Variants in SPAG16 observed in about 807,000 individuals in gnomAD.
SPAG16 encodes the protein sperm-associated antigen 16 protein.
SPAG16 carries 86 observed loss-of-function variants against 80.4 expected under a neutral mutation model. The observed-to-expected ratio is 1.07, with a 90% CI of 0.90 to 1.28. The LOEUF is 1.28. SPAG16 is among the 50% of genes most tolerant of loss of function. The pLI is 0.00. For missense variants in SPAG16, 870 were observed against 765.3 expected (o/e 1.14, Z -1.61); for synonymous variants, 294 against 265.9 (o/e 1.11, Z -1.03).
chr2:213,307,990 A>G (rs1022335222), intron 3 of SPAG16, among the ~76,000 whole-genome samples: 2 of 152,194 alleles, frequency 1.3e-5, no homozygotes. Context: ...ATAACCATTA[A>G]CAGCTTGGGA....
chr2:214,302,675 G>T (rs1239754322), intron 15 of SPAG16, among the ~76,000 whole-genome samples: 1 of 152,052 alleles, frequency 6.6e-6, no homozygotes, highest in Non-Finnish European at 1.5e-5. Flanking sequence ...TAGAGATGGG[G>T]TTTTGCCATG....
intron 11 of SPAG16, among the ~76,000 whole-genome samples, chr2:213,869,493 T>C (rs1157165355): frequency 6.6e-6 from 1 of 151,554 alleles, no homozygotes; most frequent in Non-Finnish European, 1.5e-5. Context: ...TAGTAGACTT[T>C]TATTAAGACA....
intron 10 of SPAG16, among the ~76,000 whole-genome samples, chr2:213,839,389 T>A (rs1429562854): frequency 1.3e-5 from 2 of 152,212 alleles, no homozygotes; most frequent in African/African-American, 4.8e-5. Context: ...AAACATTTTT[T>A]TATGATTTTT....
At chr2:214,145,896 T>C (rs769875371) in intron 14 of SPAG16, among the ~76,000 whole-genome samples, 5 of 152,176 alleles carry the variant, frequency 3.3e-5, no homozygotes, top group Non-Finnish European at 7.4e-5. Context: ...GTCTAACACG[T>C]AGTAAGAACT....
intron 15 of SPAG16, among the ~76,000 whole-genome samples, chr2:214,153,130 G>C (rs2056057433): frequency 6.6e-6 from 1 of 151,966 alleles, no homozygotes; most frequent in Admixed American, 6.6e-5. Context: ...CTAAGTAGTG[G>C]GTGTTGTTCC....
At chr2:213,863,284 C>G (rs2075557455) in intron 11 of SPAG16, among the ~76,000 whole-genome samples, 1 of 152,114 alleles carries the variant, frequency 6.6e-6, no homozygotes, top group African/African-American at 2.4e-5. Flanking sequence ...TTCTAAAACT[C>G]TCTGGCCTGA....
At chr2:214,322,509 CAA>C (rs34616486) in intron 15 of SPAG16, among the ~76,000 whole-genome samples, 13 of 136,812 alleles carry the variant, frequency 9.5e-5, no homozygotes, top group African/African-American at 1.2e-4. Flanking sequence ...TCACCTTAGG[CAA>C]AAAAAAAAAA....
intron 9 of SPAG16, among the ~76,000 whole-genome samples, chr2:213,432,279 C>T (rs1423793367): frequency 1.3e-5 from 2 of 151,834 alleles, no homozygotes; most frequent in African/African-American, 4.8e-5. Flanking sequence ...TAAAAAATAA[C>T]AGAAGATCAA....
At chr2:214,095,455 G>A (rs2052527888) in intron 13 of SPAG16, among the ~76,000 whole-genome samples, 1 of 152,040 alleles carries the variant, frequency 6.6e-6, no homozygotes, top group Non-Finnish European at 1.5e-5. Flanking sequence ...GTCAGGCTTA[G>A]CTCAAACTTT....
chr2:213,904,600 C>CAAAAAAAA (rs34952255), intron 11 of SPAG16, among the ~76,000 whole-genome samples: 1 of 89,478 alleles, frequency 1.1e-5, no homozygotes, highest in African/African-American at 4.3e-5. Context: ...ATAAATTTTG[C>CAAAAAAAA]AAAAAAAAAA....
At position 214,102,842 on chromosome 2, in the gene SPAG16, G is replaced by C. The variant is rs572389078; in HGVS notation, c.1528-5354G>C. On this transcript the variant is annotated intron_variant, in intron 13 of 15. Transcript: ENST00000331683. ...TTTATTTTAAAAGGCTTTAGAATAG[G>C]AAAGAAAGGAAAATTCGTTTGGAAG... Among the ~76,000 whole-genome samples, 290 of 152,208 alleles carry C rather than the reference G, an allele frequency of 1.9e-3. 2 individuals are homozygous for C. The highest frequency in any genetic ancestry group is 2.0e-3 in the Non-Finnish European group (135 of 68,010).
At chr2:214,030,730 A>G (rs919817726) in intron 13 of SPAG16, among the ~76,000 whole-genome samples, 1 of 152,212 alleles carries the variant, frequency 6.6e-6, no homozygotes, top group African/African-American at 2.4e-5. Flanking sequence ...AACAGATGCC[A>G]TTGATACCTC....
chr2:213,475,620 C>T (rs1234869693), intron 9 of SPAG16, among the ~76,000 whole-genome samples: 1 of 152,142 alleles, frequency 6.6e-6, no homozygotes, highest in Non-Finnish European at 1.5e-5. Context: ...TGACCTTCCC[C>T]CATGAAGCAG....
In SPAG16 at chr2:213,654,540, CAAAAAAAAAAA is replaced by C. The variant is rs36009811; in HGVS notation, c.1070+164467_1070+164477del. Among the ~76,000 whole-genome samples the C allele has an allele frequency of 5.1e-3, 289 of 56,734 alleles. 1 individual carries two copies. The highest frequency in any genetic ancestry group is 0.016 in the African/African-American group (268 of 17,082). 37.2% of individuals were successfully genotyped at this position (56,734 alleles called of 152,430 possible). A position where few individuals can be genotyped will look rare whatever the true frequency, so the allele number is the denominator to read the frequency against. ...TGAAACCCCGTCTCTACTAAAAATA[CAAAAAAAAAAA>C]AAAAAAAAAAAAAAAATTAGCCGGG... On this transcript the variant is annotated intron_variant, in intron 10 of 15. Coordinates refer to ENST00000331683, the MANE Select transcript of SPAG16 (RefSeq NM_024532.5).
chr2:213,858,173 T>G (rs2075260130), intron 10 of SPAG16, among the ~76,000 whole-genome samples: 1 of 152,192 alleles, frequency 6.6e-6, no homozygotes, highest in Non-Finnish European at 1.5e-5. Context: ...GATAAAGATG[T>G]TTGAGAGGGT....
At chr2:214,006,409 C>A (rs929594976) in intron 12 of SPAG16, among the ~76,000 whole-genome samples, 2 of 152,052 alleles carry the variant, frequency 1.3e-5, no homozygotes, top group African/African-American at 4.8e-5. Flanking sequence ...GAAGAGTAGA[C>A]AAATCTGCTT....
At chr2:213,821,145 C>T (rs1195347834) in intron 10 of SPAG16, among the ~76,000 whole-genome samples, 1 of 151,908 alleles carries the variant, frequency 6.6e-6, no homozygotes. Context: ...CTTGTAGGTT[C>T]ATTCTTCTGT....
intron 10 of SPAG16, among the ~76,000 whole-genome samples, chr2:213,702,449 A>G (rs1329189042): frequency 6.6e-6 from 1 of 152,180 alleles, no homozygotes; most frequent in East Asian, 1.9e-4. Flanking sequence ...TTCACTTCTG[A>G]GGCCAGTGAG....
intron 12 of SPAG16, among the ~76,000 whole-genome samples, chr2:213,996,696 G>A (rs542932759): frequency 4.0e-5 from 6 of 150,966 alleles, no homozygotes; most frequent in Middle Eastern, 3.4e-3. Context: ...AGCCTCCCAA[G>A]TAGCTGAGAT....
Sources: allele counts gnomAD v4.1 joint callset (sites outside exome capture counted in the v4.1 genomes callset), GRCh38; gene constraint gnomAD v4.1.1; transcripts MANE v1.5; gene names NCBI Gene and HGNC (gene_info 2026-07-23, HGNC 2026-07-21).